Variants in GARIN1B observed in about 807,000 individuals in gnomAD.
GARIN1B encodes the protein golgi associated RAB2 interactor 1B, also known as Golgi-associated RAB2 interactor protein 1B.
the GARIN1B span, among the ~76,000 whole-genome samples, chr7:128,711,688 C>T: frequency 6.6e-5 from 10 of 152,088 alleles, no homozygotes; most frequent in South Asian, 2.1e-3. Flanking sequence ...CACACACACA[C>T]ACACACACAC....
the GARIN1B span, chr7:128,726,729 C>A: frequency 7.6e-7 from 1 of 1,313,036 alleles, no homozygotes; most frequent in Non-Finnish European, 1.1e-6. Context: ...GTCTCTAAAG[C>A]TTTGCATCAG....
At chr7:128,728,964 T>C in the GARIN1B span, among the ~76,000 whole-genome samples, 1 of 152,180 alleles carries the variant, frequency 6.6e-6, no homozygotes, top group Non-Finnish European at 1.5e-5. Flanking sequence ...ACATACACAC[T>C]CAAAACATAC....
chr7:128,717,115 T>G, the GARIN1B span: 3 of 947,058 alleles, frequency 3.2e-6, no homozygotes, highest in African/African-American at 5.0e-5. Context: ...TGACATTGAT[T>G]TTTTTAGACA....
At chr7:128,720,896 A>G in the GARIN1B span, among the ~76,000 whole-genome samples, 1 of 152,160 alleles carries the variant, frequency 6.6e-6, no homozygotes, top group Non-Finnish European at 1.5e-5. Flanking sequence ...AATGGGTGAT[A>G]TAAGTCTTCT....
the GARIN1B span, chr7:128,729,900 A>C: frequency 8.7e-6 from 14 of 1,612,598 alleles, no homozygotes; most frequent in Non-Finnish European, 1.1e-5. Context: ...TACTTGATCT[A>C]GGGAAAGATT....
At chr7:128,717,645 C>T in the GARIN1B span, among the ~76,000 whole-genome samples, 1 of 151,798 alleles carries the variant, frequency 6.6e-6, no homozygotes, top group Admixed American at 6.6e-5. Context: ...CAGGGTTTCA[C>T]CATGTTGGCC....
the GARIN1B span, among the ~76,000 whole-genome samples, chr7:128,718,434 GAAA>G: frequency 2.5e-5 from 3 of 117,960 alleles, no homozygotes; most frequent in Non-Finnish European, 3.7e-5. Flanking sequence ...CTTTGCCTCA[GAAA>G]AAAAAAAAAA....
the GARIN1B span, among the ~76,000 whole-genome samples, chr7:128,714,827 T>G: frequency 6.6e-6 from 1 of 152,072 alleles, no homozygotes; most frequent in African/African-American, 2.4e-5. Flanking sequence ...AAAGCCAGCC[T>G]CTGGATAAGA....
the GARIN1B span, among the ~76,000 whole-genome samples, chr7:128,724,518 G>A: frequency 6.6e-6 from 1 of 152,068 alleles, no homozygotes; most frequent in African/African-American, 2.4e-5. Flanking sequence ...CATGGCTGAG[G>A]AAATGTCGCT....
chr7:128,722,729 A>G, the GARIN1B span, among the ~76,000 whole-genome samples: 13,145 of 151,814 alleles, frequency 0.087, 883 homozygotes, highest in East Asian at 0.24. Flanking sequence ...GTCTGAACCC[A>G]GGAGGCAGAG....
chr7:128,716,104 C>T, the GARIN1B span, among the ~76,000 whole-genome samples: 1 of 152,354 alleles, frequency 6.6e-6, no homozygotes, highest in East Asian at 1.9e-4. Flanking sequence ...CCTCTGCCTT[C>T]TCCTTGGGAG....
At chr7:128,720,858 G>A in the GARIN1B span, among the ~76,000 whole-genome samples, 1 of 151,974 alleles carries the variant, frequency 6.6e-6, no homozygotes, top group Non-Finnish European at 1.5e-5. Flanking sequence ...CAATGTCTTG[G>A]TTAATGTAGC....
chr7:128,713,869 C>A, the GARIN1B span: 1 of 839,586 alleles, frequency 1.2e-6, no homozygotes, highest in Non-Finnish European at 1.8e-6. Flanking sequence ...CTGTGAACAG[C>A]AACGTATCAA....
At chr7:128,719,087 A>G in the GARIN1B span, 5 of 1,612,446 alleles carry the variant, frequency 3.1e-6, no homozygotes. Flanking sequence ...TTCGAAGGTA[A>G]GTGAGCACCA....
chr7:128,722,829 T>C, the GARIN1B span, among the ~76,000 whole-genome samples: 1 of 152,078 alleles, frequency 6.6e-6, no homozygotes, highest in African/African-American at 2.4e-5. Flanking sequence ...CTAATTAAAT[T>C]TCTATAACAA....
the GARIN1B span, among the ~76,000 whole-genome samples, chr7:128,727,941 C>T: frequency 1.3e-5 from 2 of 152,188 alleles, no homozygotes. Flanking sequence ...TTATCCACAG[C>T]ATGAAGCAGA....
chr7:128,728,879 T>C, the GARIN1B span, among the ~76,000 whole-genome samples: 1 of 152,180 alleles, frequency 6.6e-6, no homozygotes, highest in African/African-American at 2.4e-5. Flanking sequence ...TGTTTTCTCA[T>C]GTTATGCGAC....
the GARIN1B span, chr7:128,719,210 A>T: frequency 2.5e-6 from 2 of 786,204 alleles, no homozygotes; most frequent in Non-Finnish European, 2.0e-6. Flanking sequence ...AGCTTTATTG[A>T]GTATCATTTA....
the GARIN1B span, chr7:128,715,582 C>A: frequency 6.2e-7 from 1 of 1,614,130 alleles, no homozygotes; most frequent in South Asian, 1.1e-5. Flanking sequence ...GAGAGCCGAA[C>A]CCTGGAGCGG....
Sources: gnomAD v4.1 joint callset for allele counts (sites outside exome capture counted in the v4.1 genomes callset) on GRCh38, gnomAD v4.1.1 for gene constraint, MANE v1.5 for transcripts, NCBI Gene and HGNC (gene_info 2026-07-23, HGNC 2026-07-21) for gene names.